Variants in BAIAP2L1 observed in about 807,000 individuals in gnomAD.
The protein encoded by BAIAP2L1 is BAR/IMD domain containing adaptor protein 2 like 1.
In BAIAP2L1, 35 loss-of-function variants were observed where a neutral mutation model predicts 66.3. The ratio of observed to expected loss-of-function variants is 0.53; its 90% CI spans 0.40 to 0.70. BAIAP2L1 has a LOEUF of 0.70. BAIAP2L1 is among the 30% of genes least tolerant of loss of function. The pLI is 0.00. For synonymous variants in BAIAP2L1, 269 were observed against 248.7 expected, an observed-to-expected ratio of 1.08 and a Z score of -0.77; for missense variants, 622 against 656.9, an observed-to-expected ratio of 0.95 and a Z score of 0.58.
chr7:98,363,331 TG>T (rs2115730588), intron 1 of BAIAP2L1, among the ~76,000 whole-genome samples: 1 of 152,198 alleles, frequency 6.6e-6, no homozygotes, highest in Non-Finnish European at 1.5e-5. Flanking sequence ...CACTGCGCCC[TG>T]CCTCCCTGGC....
chr7:98,399,347 G>A (rs1176655374), intron 1 of BAIAP2L1, among the ~76,000 whole-genome samples: 1 of 152,022 alleles, frequency 6.6e-6, no homozygotes, highest in African/African-American at 2.4e-5. Flanking sequence ...CGGATCTCTT[G>A]GATTTCAATA....
At position 98,306,461 on chromosome 7, in the gene BAIAP2L1, C is replaced by T. The variant is rs1800660895; in HGVS notation, c.1219G>A (p.Ala407Thr). ...TKLLEENETE[A>T]VTVPTPSPTP... Reference sequence around the variant, plus strand: ...TACCTTGGCGTGGGCACGGTCACTGCTTCTGTCTCATTTTCTTCCAGCAAC... The same window carrying T: ...TACCTTGGCGTGGGCACGGTCACTGTTTCTGTCTCATTTTCTTCCAGCAAC... The change falls in exon 11 of 14, where the codon GCA becomes ACA. Residue 407 changes from alanine to threonine, a missense_variant. By Grantham distance (58) the Ala-to-Thr change is moderately conservative (BLOSUM62 0). Transcript: ENST00000005260. The T allele has an allele frequency of 6.2e-7, 1 of 1,614,162 alleles. No homozygotes were observed. The highest frequency in any genetic ancestry group is 2.2e-5 in the East Asian group (1 of 44,876).
chr7:98,310,367 T>C, intron 9 of BAIAP2L1, 78 bp downstream of exon 9: 1 of 1,485,760 alleles, frequency 6.7e-7, no homozygotes, highest in South Asian at 1.3e-5. Context: ...AATACATTTA[T>C]ACAAAATATT....
chr7:98,390,622 C>T (rs1421934509), intron 1 of BAIAP2L1, among the ~76,000 whole-genome samples: 1 of 151,628 alleles, frequency 6.6e-6, no homozygotes. Context: ...GTCCCAGCTA[C>T]TCAGGAGGCT....
chr7:98,307,607 C>T (rs1368902204), intron 10 of BAIAP2L1, 82 bp downstream of exon 10: 2 of 1,572,312 alleles, frequency 1.3e-6, no homozygotes, highest in Non-Finnish European at 1.7e-6. Flanking sequence ...TGAGCATGTC[C>T]ACGAAGACAG....
chr7:98,364,988 A>AAAAAAAAAAAAAC, intron 1 of BAIAP2L1, among the ~76,000 whole-genome samples: 1 of 37,962 alleles, frequency 2.6e-5, no homozygotes. Context: ...ATATGTCTCA[A>AAAAAAAAAAAAAC]AAAAAAAAAA....
At chr7:98,384,882 A>C (rs1802851261) in intron 1 of BAIAP2L1, among the ~76,000 whole-genome samples, 1 of 151,956 alleles carries the variant, frequency 6.6e-6, no homozygotes. Flanking sequence ...TATTTTTAGT[A>C]AAGATGGGAT....
chr7:98,378,837 C>T (rs893355378), intron 1 of BAIAP2L1, among the ~76,000 whole-genome samples: 9 of 144,666 alleles, frequency 6.2e-5, no homozygotes, highest in South Asian at 2.2e-4. Flanking sequence ...AAGGCTCACT[C>T]TTTTTTTTTT....
chr7:98,400,070 C>T (rs1471149718), intron 1 of BAIAP2L1: 3 of 151,530 alleles, frequency 2.0e-5, no homozygotes, highest in Non-Finnish European at 4.4e-5. Context: ...TCTTTGGTCC[C>T]GGAGGGCTTA....
At chr7:98,352,389 C>G (rs751487104) in intron 3 of BAIAP2L1, among the ~76,000 whole-genome samples, 1 of 152,180 alleles carries the variant, frequency 6.6e-6, no homozygotes, top group Non-Finnish European at 1.5e-5. Context: ...CACCTGTAAT[C>G]CTAGCATTTT....
chr7:98,393,555 T>C (rs1803123330), intron 1 of BAIAP2L1, among the ~76,000 whole-genome samples: 1 of 151,896 alleles, frequency 6.6e-6, no homozygotes, highest in Admixed American at 6.6e-5. Context: ...TGGAGTGCAG[T>C]GGCATGATCT....
intron 3 of BAIAP2L1, among the ~76,000 whole-genome samples, chr7:98,329,249 A>G (rs947914474): frequency 3.9e-5 from 6 of 152,240 alleles, no homozygotes; most frequent in African/African-American, 1.4e-4. Flanking sequence ...GACAGGACTA[A>G]GCTCACAGGG....
rs779072823 is a variant in BAIAP2L1, at chr7:98,293,499, G to A, written c.*22C>T. ...CCGCAAGGGAGAACCGGAGAGGCCC[G>A]GGAGAGTCCTTGGCTGTCCTCTCAT... is the stretch of plus-strand genomic sequence containing the variant. On this transcript the variant is annotated 3_prime_UTR_variant, in exon 14 of 14. Transcript: ENST00000005260. 2.4e-5 allele frequency: 39 copies of A among 1,606,534 alleles called. 1 individual carries two copies. The highest frequency in any genetic ancestry group is 1.9e-4 in the South Asian group (17 of 90,928).
intron 3 of BAIAP2L1, among the ~76,000 whole-genome samples, chr7:98,343,011 C>G (rs954549709): frequency 6.6e-6 from 1 of 151,444 alleles, no homozygotes; most frequent in Non-Finnish European, 1.5e-5. Context: ...CTTTATCACA[C>G]GTGATAAAGT....
chr7:98,294,969 G>A (rs532340292), intron 12 of BAIAP2L1, among the ~76,000 whole-genome samples: 4 of 152,318 alleles, frequency 2.6e-5, no homozygotes, highest in Admixed American at 2.6e-4. Context: ...TTTCCTGCCT[G>A]CACACAGGGA....
At chr7:98,297,509 G>A (rs993102322) in intron 12 of BAIAP2L1, among the ~76,000 whole-genome samples, 1 of 152,174 alleles carries the variant, frequency 6.6e-6, no homozygotes, top group African/African-American at 2.4e-5. Flanking sequence ...CAGCCCTAAG[G>A]AACATTTCCA....
At chr7:98,294,948 G>A (rs531393140) in intron 12 of BAIAP2L1, among the ~76,000 whole-genome samples, 2 of 152,126 alleles carry the variant, frequency 1.3e-5, no homozygotes, top group South Asian at 2.1e-4. Context: ...AGCCTGGAGG[G>A]TTTAACACTC....
At chr7:98,318,958 A>AG (rs1296580335) in intron 5 of BAIAP2L1, among the ~76,000 whole-genome samples, 1 of 151,776 alleles carries the variant, frequency 6.6e-6, no homozygotes, top group Non-Finnish European at 1.5e-5. Flanking sequence ...AAAAAAAAAA[A>AG]AAAAGAATGG....
chr7:98,298,319 A>G (rs1412994701), intron 12 of BAIAP2L1, among the ~76,000 whole-genome samples: 1 of 150,916 alleles, frequency 6.6e-6, no homozygotes, highest in East Asian at 2.0e-4. Context: ...AATGCTTTTA[A>G]AAAACATTAG....
Sources: allele counts gnomAD v4.1 joint callset (sites outside exome capture counted in the v4.1 genomes callset), GRCh38; gene constraint gnomAD v4.1.1; transcripts MANE v1.5; gene names NCBI Gene and HGNC (gene_info 2026-07-23, HGNC 2026-07-21).